Variants in PTN observed in about 807,000 individuals in gnomAD.
The protein encoded by PTN is pleiotrophin.
PTN carries 18 observed loss-of-function variants against 24.1 expected under a neutral mutation model. That is an observed-to-expected ratio of 0.75 (90% CI 0.52 to 1.11). The LOEUF (loss-of-function observed/expected upper bound fraction) is 1.11, where lower values mean the gene tolerates loss of function less well. Among genes scored for constraint, PTN ranks in the 50% least tolerant of loss-of-function variants. The pLI, the probability that PTN is intolerant of heterozygous loss-of-function variation, is 0.00. For missense variants in PTN, 163 were observed against 198.8 expected (o/e 0.82, Z 1.08); for synonymous variants, 78 against 68.6 (o/e 1.14, Z -0.67).
intron 4 of PTN, among the ~76,000 whole-genome samples, chr7:137,239,325 C>T (rs1217534775): frequency 6.6e-6 from 1 of 152,110 alleles, no homozygotes; most frequent in Admixed American, 6.5e-5. Context: ...AGTCAGTATT[C>T]TTCCTTGAGT....
Position 137,255,102 on chromosome 7 carries a change from CA to C in PTN, c.-1-129del, listed in dbSNP as rs1808898516. The C allele has an allele frequency of 5.4e-6, 3 of 560,506 alleles. No homozygotes were observed. The Admixed American group carries it at 9.5e-5, about 18-fold the overall frequency. 34.7% of individuals were successfully genotyped at this position (560,506 alleles called of 1,614,324 possible). A position where few individuals can be genotyped will look rare whatever the true frequency, so the allele number is the denominator to read the frequency against. The stretch of plus-strand genomic sequence containing the variant: ...TGTTAGATTTCAGGAAGATTCATAT[CA>C]ATTATCTTGGGTAGAATTTTATCTA... On this transcript the variant is annotated intron_variant, in intron 1 of 4. Coordinates refer to ENST00000348225, the MANE Select transcript of PTN (RefSeq NM_002825.7).
At position 137,340,641 on chromosome 7, in the gene PTN, G is replaced by T. The variant is rs954381567; in HGVS notation, c.-2+2798C>A. On this transcript the variant is annotated intron_variant, in intron 1 of 4. Coordinates refer to ENST00000348225, the MANE Select transcript of PTN (RefSeq NM_002825.7). ...CAGTGACATGACCTTGTGCCAGAAGGAGGCAAAAACTCTTCGACTATTCAT... is the reference window on the plus strand; with the variant it reads ...CAGTGACATGACCTTGTGCCAGAAGTAGGCAAAAACTCTTCGACTATTCAT... Among the ~76,000 whole-genome samples, 3 of 152,180 alleles carry T rather than the reference G, an allele frequency of 2.0e-5. No individual in the cohort carries two copies. The East Asian group carries it at 5.8e-4, about 29-fold the overall frequency.
intron 4 of PTN, among the ~76,000 whole-genome samples, chr7:137,232,831 T>G (rs1808451129): frequency 6.6e-6 from 1 of 151,720 alleles, no homozygotes; most frequent in Middle Eastern, 3.2e-3. Context: ...AGTGAGTGAG[T>G]CTTATGAGAG....
chr7:137,321,792 T>C lies in PTN; in HGVS notation c.-2+21647A>G, dbSNP rs190547050. Among the ~76,000 whole-genome samples, 177 of 152,366 alleles carry C rather than the reference T, an allele frequency of 1.2e-3. 1 individual carries two copies. Among genetic ancestry groups the C allele is most frequent in the African/African-American group, 4.1e-3 (169 of 41,584 alleles). ...GAAATATTGTTTAATGCTTAAATTA[T>C]GGAAAGTTACCATAGCCTAGAATTA... On this transcript the variant is annotated intron_variant, in intron 1 of 4. Coordinates refer to ENST00000348225, the MANE Select transcript of PTN (RefSeq NM_002825.7).
At chr7:137,296,556 C>T (rs751306436) in intron 1 of PTN, among the ~76,000 whole-genome samples, 2 of 151,970 alleles carry the variant, frequency 1.3e-5, no homozygotes, top group Non-Finnish European at 2.9e-5. Context: ...TGAGTATTCC[C>T]TCCTAGGCTC....
intron 1 of PTN, among the ~76,000 whole-genome samples, chr7:137,334,981 A>G (rs1162027): frequency 0.39 from 55,523 of 143,116 alleles, 10,897 homozygotes; most frequent in South Asian, 0.47. Context: ...CTCATAGGTG[A>G]GAATTGAACA....
Position 137,297,706 on chromosome 7 carries a change from G to A in PTN, c.-1-42732C>T, listed in dbSNP as rs1442522676. ...TTCTTATCCAACACTTTGAATTCCC[G>A]ACAGTTCCTCCATTGGCCAAAGCAA... On this transcript the variant is annotated intron_variant, in intron 1 of 4. Transcript: ENST00000348225. Among the ~76,000 whole-genome samples the A allele has an allele frequency of 2.0e-5, 3 of 151,932 alleles. No homozygotes were observed. The South Asian group carries it at 6.2e-4, about 31-fold the overall frequency.
At position 137,227,891 on chromosome 7, in the gene PTN, T is replaced by G; in HGVS notation, c.*129A>C. On this transcript the variant is annotated 3_prime_UTR_variant, in exon 5 of 5. Transcript: ENST00000348225. The stretch of plus-strand genomic sequence containing the variant: ...CGCTACTACAAAAATTTTCTTTTCT[T>G]TTTGTTTTTGCTTATTGTGTACTTA... 2 of 1,318,994 alleles carry G rather than the reference T, an allele frequency of 1.5e-6. No individual in the cohort carries two copies. The allele number at this position is 1,318,994 out of a possible 1,614,324, so 81.7% of individuals were successfully genotyped here.
chr7:137,316,563 C>T (rs1810075527), intron 1 of PTN, among the ~76,000 whole-genome samples: 1 of 152,160 alleles, frequency 6.6e-6, no homozygotes, highest in Non-Finnish European at 1.5e-5. Context: ...ACAGGGGCCT[C>T]ATGCCTTTCA....
At chr7:137,269,713 A>G (rs1218691466) in intron 1 of PTN, among the ~76,000 whole-genome samples, 1 of 141,400 alleles carries the variant, frequency 7.1e-6, no homozygotes, top group Non-Finnish European at 1.5e-5. Flanking sequence ...GCTCACTGCA[A>G]CCTCCACCTC....
intron 1 of PTN, among the ~76,000 whole-genome samples, chr7:137,310,214 G>A (rs1809956810): frequency 6.6e-6 from 1 of 152,010 alleles, no homozygotes; most frequent in African/African-American, 2.4e-5. Flanking sequence ...CTCAGTAGTG[G>A]GTCTCAACAG....
intron 4 of PTN, among the ~76,000 whole-genome samples, chr7:137,235,655 C>T (rs1488407959): frequency 6.6e-6 from 1 of 152,118 alleles, no homozygotes; most frequent in African/African-American, 2.4e-5. Flanking sequence ...AATGCATTTA[C>T]TTCTACGATA....
intron 1 of PTN, among the ~76,000 whole-genome samples, chr7:137,315,293 T>C (rs1273762835): frequency 6.6e-6 from 1 of 151,948 alleles, no homozygotes; most frequent in Non-Finnish European, 1.5e-5. Flanking sequence ...AAAGTAATGA[T>C]GACTATGAGG....
rs1266239250 is a variant in PTN, at chr7:137,253,594, A to C, written c.159T>G (p.Ser53Arg). The C allele has an allele frequency of 6.3e-7, 1 of 1,586,416 alleles. No individual in the cohort carries two copies. The highest frequency in any genetic ancestry group is 2.3e-5 in the East Asian group (1 of 43,886). The change falls in exon 3 of 5, where the codon AGT becomes AGG. Residue 53 changes from serine to arginine, a missense_variant. Physicochemically the swap from Ser to Arg is moderately radical, Grantham distance 110. Coordinates refer to ENST00000348225, the MANE Select transcript of PTN (RefSeq NM_002825.7). ...AGTCTCCACTGGTGGGCACACACAC[A>C]CTCCACTGCCATTCTCCACAGTCAG... ...KKSDCGEWQW[S>R]VCVPTSGDCG... is the part of the protein sequence containing the mutation.
chr7:137,268,578 G>A (rs1035923766), intron 1 of PTN, among the ~76,000 whole-genome samples: 5 of 152,190 alleles, frequency 3.3e-5, no homozygotes, highest in Non-Finnish European at 5.9e-5. Flanking sequence ...GATGGTCAGA[G>A]TGAAACAGAA....
intron 1 of PTN, among the ~76,000 whole-genome samples, chr7:137,267,478 G>T (rs2128873794): frequency 6.6e-6 from 1 of 152,210 alleles, no homozygotes; most frequent in Non-Finnish European, 1.5e-5. Context: ...AGGTTACCTT[G>T]TGCCATACCT....
chr7:137,239,014 G>A (rs2128868739), intron 4 of PTN, among the ~76,000 whole-genome samples: 2 of 152,276 alleles, frequency 1.3e-5, no homozygotes, highest in Middle Eastern at 6.8e-3. Context: ...TAGCTGTTTT[G>A]TGAGTACACA....
At chr7:137,293,030 A>G (rs1809665191) in intron 1 of PTN, among the ~76,000 whole-genome samples, 1 of 152,196 alleles carries the variant, frequency 6.6e-6, no homozygotes, top group African/African-American at 2.4e-5. Context: ...CTTTACCCAC[A>G]TGCATATTCA....
At chr7:137,257,751 A>G (rs1328303650) in intron 1 of PTN, among the ~76,000 whole-genome samples, 1 of 152,208 alleles carries the variant, frequency 6.6e-6, no homozygotes, top group Non-Finnish European at 1.5e-5. Context: ...CAAATATCAG[A>G]AGTATTTAGG....
Sources: gnomAD v4.1 joint callset for allele counts (sites outside exome capture counted in the v4.1 genomes callset) on GRCh38, gnomAD v4.1.1 for gene constraint, MANE v1.5 for transcripts, NCBI Gene and HGNC (gene_info 2026-07-23, HGNC 2026-07-21) for gene names.